Variants in ITGAM observed in about 807,000 individuals in gnomAD.
The protein encoded by ITGAM is integrin alpha-M.
A neutral mutation model predicts 137.5 loss-of-function variants in ITGAM; 79 were observed. That is an observed-to-expected ratio of 0.57 (90% CI 0.48 to 0.69). ITGAM has a LOEUF of 0.69. Among genes scored for constraint, ITGAM ranks in the 30% least tolerant of loss-of-function variants. ITGAM has a pLI of 0.00. For missense variants in ITGAM, 1,343 were observed against 1,483.5 expected, an observed-to-expected ratio of 0.91 and a Z score of 1.56; for synonymous variants, 583 against 592.3, an observed-to-expected ratio of 0.98 and a Z score of 0.23.
At chr16:31,323,388 T>C (rs866381803) in intron 16 of ITGAM, among the ~76,000 whole-genome samples, 1 of 145,978 alleles carries the variant, frequency 6.9e-6, no homozygotes, top group African/African-American at 2.6e-5. Context: ...ATCGCCCCAT[T>C]GCACTCCAGT....
chr16:31,327,989 T>C (rs552595716), intron 22 of ITGAM, 158 bp from the exon 23 acceptor site: 148 of 640,058 alleles, frequency 2.3e-4, no homozygotes, highest in Non-Finnish European at 3.7e-4. Flanking sequence ...GGGATGGGCC[T>C]GGGCTAGGCG....
At chr16:31,328,681 G>A (rs1178327752) in intron 23 of ITGAM, among the ~76,000 whole-genome samples, 1 of 151,276 alleles carries the variant, frequency 6.6e-6, no homozygotes, top group Non-Finnish European at 1.5e-5. Flanking sequence ...TGTGTGCATG[G>A]GTGTGTATTT....
At position 31,292,460 on chromosome 16, in the gene ITGAM, T is replaced by C. The variant is rs548476190; in HGVS notation, c.1357-5054T>C. 4.6e-5 allele frequency among the ~76,000 whole-genome samples: 7 copies of C among 152,198 alleles called. No individual in the cohort carries two copies. In the South Asian group the frequency reaches 1.4e-3, roughly 32 times the overall value. On this transcript the variant is annotated intron_variant, in intron 12 of 29. Transcript: ENST00000544665. Reference sequence around the variant, plus strand: ...CCCCAGTGTCTGTTGTTTCCTTCTTTGTGTTCATAAGTTCTTTATAGTTTA... The same window carrying C: ...CCCCAGTGTCTGTTGTTTCCTTCTTCGTGTTCATAAGTTCTTTATAGTTTA...
Position 31,324,682 on chromosome 16 carries a change from T to G in ITGAM, c.2189T>G (p.Val730Gly). 5 of 1,603,144 alleles carry G rather than the reference T, an allele frequency of 3.1e-6. No individual in the cohort carries two copies. The highest frequency in any genetic ancestry group is 3.4e-6 in the Non-Finnish European group (4 of 1,175,082). ...ATCGAGGACCCAGTGAGCCCCATTG[T>G]GCTGCGCCTGAACTTCTCTCTGGTG... ...NCIEDPVSPI[V>G]LRLNFSLVGT... The change falls in exon 18 of 30, where the codon GTG becomes GGG. Residue 730 changes from valine (V) to glycine (G), a missense_variant. Physicochemically the swap from Val to Gly is moderately radical, Grantham distance 109. Coordinates refer to ENST00000544665, the MANE Select transcript of ITGAM (RefSeq NM_000632.4). This position sits in a 1 kb window ranked among gnomAD's most constrained non-coding sequence, Gnocchi z 4.5.
intron 7 of ITGAM, among the ~76,000 whole-genome samples, chr16:31,272,941 C>A (rs2079867545): frequency 1.3e-5 from 2 of 152,036 alleles, no homozygotes; most frequent in Non-Finnish European, 2.9e-5. Flanking sequence ...AGACGGAGCC[C>A]CTCCGAGACC....
chr16:31,297,697 G>A, intron 13 of ITGAM, 43 bp downstream of exon 13: 1 of 1,594,636 alleles, frequency 6.3e-7, no homozygotes, highest in Non-Finnish European at 8.5e-7. Context: ...CCCGGTGTGG[G>A]TGGAGGGGTC....
At chr16:31,304,710 T>A (rs1404934419) in intron 14 of ITGAM, among the ~76,000 whole-genome samples, 1 of 152,188 alleles carries the variant, frequency 6.6e-6, no homozygotes, top group African/African-American at 2.4e-5. Flanking sequence ...ATTTACTGAA[T>A]AGGGTGTCCT....
chr16:31,273,146 A>G (rs1456080399), intron 7 of ITGAM, among the ~76,000 whole-genome samples: 1 of 152,154 alleles, frequency 6.6e-6, no homozygotes, highest in Non-Finnish European at 1.5e-5. Context: ...AGATAAAAAA[A>G]TAAACCAAGT....
intron 16 of ITGAM, 119 bp downstream of exon 16, chr16:31,321,746 C>T (rs2080453415): frequency 9.5e-7 from 1 of 1,051,310 alleles, no homozygotes; most frequent in African/African-American, 1.6e-5. Flanking sequence ...GCTCTGACAA[C>T]CTTCTCCAAG....
At position 31,265,821 on chromosome 16, in the gene ITGAM, G is replaced by A. The variant is rs1207681666; in HGVS notation, c.249G>A (p.Glu83=). 1 of 1,613,970 alleles carries A rather than the reference G, an allele frequency of 6.2e-7. No individual in the cohort carries two copies. The highest frequency in any genetic ancestry group is 8.5e-7 in the Non-Finnish European group (1 of 1,179,962). ...TATCTGTCCCCGCAGTCCCCGTGGA[G>A]GCCGTGAACATGTCCCTGGGCCTGT... ...CEPIRLQVPV[E]AVNMSLGLSL... is the part of the protein sequence containing the mutation. The change falls in exon 4 of 30, where the codon GAG becomes GAA. Residue 83 remains glutamate, a synonymous_variant. Coordinates refer to ENST00000544665, the MANE Select transcript of ITGAM (RefSeq NM_000632.4).
chr16:31,266,147 G>A lies in ITGAM; in HGVS notation c.427G>A (p.Gly143Arg), dbSNP rs2079764916. 2 of 1,610,318 alleles carry A rather than the reference G, an allele frequency of 1.2e-6. No individual in the cohort carries two copies. The highest frequency in any genetic ancestry group is 1.7e-6 in the Non-Finnish European group (2 of 1,177,114). The change falls in exon 5 of 30, where the codon GGG becomes AGG. Residue 143 changes from glycine (G) to arginine (R), a missense_variant and splice_region_variant. Physicochemically the swap from Gly to Arg is moderately radical, Grantham distance 125. Coordinates refer to ENST00000544665, the MANE Select transcript of ITGAM (RefSeq NM_000632.4). ...CCAGAAGTTCCCAGAGGCCCTCCGA[G>A]GTGGGTTGCCTTTGGCAGAGGGAAC... The part of the protein sequence containing the change: ...QPQKFPEALR[G>R]CPQEDSDIAF...
At chr16:31,315,916 C>T (rs190217834) in intron 14 of ITGAM, among the ~76,000 whole-genome samples, 58 of 151,716 alleles carry the variant, frequency 3.8e-4, no homozygotes, top group African/African-American at 8.9e-4. Flanking sequence ...GATTGTTGGC[C>T]GGGCGCGGTG....
chr16:31,329,086 TGCA>T, intron 23 of ITGAM, 139 bp from the exon 24 acceptor site: 5 of 50,164 alleles, frequency 1.0e-4, no homozygotes, highest in Non-Finnish European at 1.1e-4. Flanking sequence ...CCCATCCCCC[TGCA>T]CCCCACCCCA....
In ITGAM at chr16:31,329,779, C is replaced by A; in HGVS notation, c.2869-19C>A. ...GGGGGAGGAAGGCCAGAGCCCTGAC[C>A]CCGCCCTCCCCGGTGCAGGTCAGCA... On this transcript the variant is annotated intron_variant, in intron 24 of 29. Transcript: ENST00000544665. 1 of 1,545,444 alleles carries A rather than the reference C, an allele frequency of 6.5e-7. No individual in the cohort carries two copies. Among genetic ancestry groups the A allele is most frequent in the Non-Finnish European group, 8.8e-7 (1 of 1,142,524 alleles).
rs1463830230 is a variant in ITGAM, at chr16:31,324,550, G to C, written c.2154G>C (p.Leu718Phe). 6.2e-7 allele frequency: 1 copy of C among 1,609,808 alleles called. No homozygotes were observed. Among genetic ancestry groups the C allele is most frequent in the Non-Finnish European group, 8.5e-7 (1 of 1,178,108 alleles). ...CTTGTGAGACCCTGAAACTACAGTT[G>C]CCGGTGAGCAGGCTAGTGGCCAGAC... Reference protein sequence around the residue: ...TQTCETLKLQLPNCIEDPVSP... With the variant: ...TQTCETLKLQFPNCIEDPVSP... The change falls in exon 17 of 30, where the codon TTG (leucine) becomes TTC (phenylalanine). Residue 718 changes from leucine (L) to phenylalanine (F), a missense_variant. By Grantham distance (22) the Leu-to-Phe change is conservative (BLOSUM62 0). Transcript: ENST00000544665. This position sits in a 1 kb window ranked among gnomAD's most constrained non-coding sequence, Gnocchi z 4.5.
chr16:31,329,222 C>T lies in ITGAM; in HGVS notation c.2793-6C>T, dbSNP rs755735478. The T allele has an allele frequency of 6.2e-7, 1 of 1,607,230 alleles. No homozygotes were observed. Among genetic ancestry groups the T allele is most frequent in the South Asian group, 1.1e-5 (1 of 90,706 alleles). On this transcript the variant is annotated splice_region_variant and splice_polypyrimidine_tract_variant and intron_variant, in intron 23 of 29. Coordinates refer to ENST00000544665, the MANE Select transcript of ITGAM (RefSeq NM_000632.4). ...GTCACCTCCTGTCCCTTTTTTCTCC[C>T]TTCAGCCATGGGGTCTCCACTAAAT... is the stretch of plus-strand genomic sequence containing the variant.
chr16:31,316,662 G>A lies in ITGAM; in HGVS notation c.1708-4579G>A, dbSNP rs1167615636. 3.3e-5 allele frequency among the ~76,000 whole-genome samples: 5 copies of A among 152,108 alleles called. No homozygotes were observed. In the South Asian group the frequency reaches 6.2e-4, roughly 19 times the overall value. On this transcript the variant is annotated intron_variant, in intron 14 of 29. Coordinates refer to ENST00000544665, the MANE Select transcript of ITGAM (RefSeq NM_000632.4). ...CTATTTCTGTAAGAAATGCCATTGG[G>A]ATTTTGGTAGGAATTACATTGACTC... is the stretch of plus-strand genomic sequence containing the variant.
chr16:31,329,849 C>T lies in ITGAM; in HGVS notation c.2920C>T (p.Pro974Ser). ...SLPISLVFLV[P>S]VRLNQTVIWD... ...CCCCATCAGCCTGGTGTTCTTGGTG[C>T]CCGTCCGGCTGAACCAGACTGTCAT... Residue 974 changes from proline (P) to serine (S), a missense_variant, in exon 25 of 30, where the codon CCC becomes TCC. Transcript: ENST00000544665. 6.4e-7 allele frequency: 1 copy of T among 1,564,554 alleles called. No individual in the cohort carries two copies. Among genetic ancestry groups the T allele is most frequent in the Non-Finnish European group, 8.7e-7 (1 of 1,154,496 alleles).
At chr16:31,289,540 G>C (rs2080064522) in intron 12 of ITGAM, among the ~76,000 whole-genome samples, 1 of 152,086 alleles carries the variant, frequency 6.6e-6, no homozygotes, top group South Asian at 2.1e-4. Context: ...CTCACTCATA[G>C]GTGGGAATTG....
Sources: allele counts gnomAD v4.1 joint callset (sites outside exome capture counted in the v4.1 genomes callset), GRCh38; gene constraint gnomAD v4.1.1; non-coding constraint Gnocchi (gnomAD v3.1); transcripts MANE v1.5; gene names NCBI Gene and HGNC (gene_info 2026-07-23, HGNC 2026-07-21).